The following GABRA3 variants were observed in gnomAD, a reference collection of about 807,000 sequenced individuals.
The protein encoded by GABRA3 is gamma-aminobutyric acid receptor subunit alpha-3.
GABRA3 carries 10 observed loss-of-function variants against 30.1 expected under a neutral mutation model. That is an observed-to-expected ratio of 0.33 (90% CI 0.20 to 0.56). The LOEUF is 0.56. Ranked by LOEUF, GABRA3 falls within the 20% of genes least tolerant of loss-of-function variation. The pLI, the probability that GABRA3 is intolerant of heterozygous loss-of-function variation, is 0.89. For synonymous variants in GABRA3, 151 were observed against 146.8 expected, an observed-to-expected ratio of 1.03 and a Z score of -0.21; for missense variants, 233 against 392.0, an observed-to-expected ratio of 0.59 and a Z score of 3.42.
intron 3 of GABRA3, among the ~76,000 whole-genome samples, chrX:152,291,362 G>T (rs1335402224): frequency 5.4e-5 from 6 of 111,839 alleles, no homozygotes; most frequent in Non-Finnish European, 1.1e-4. Context: ...CATTGATTTT[G>T]CATCCTGAGA....
intron 9 of GABRA3, among the ~76,000 whole-genome samples, chrX:152,181,436 C>A (rs1173192281): frequency 9.0e-6 from 1 of 110,812 alleles, no homozygotes; most frequent in African/African-American, 3.3e-5. Context: ...TTTTTCTTTT[C>A]TTTTCTTTTC....
intron 3 of GABRA3, among the ~76,000 whole-genome samples, chrX:152,324,770 A>G (rs1940025914): frequency 8.9e-6 from 1 of 111,929 alleles, no homozygotes; most frequent in African/African-American, 3.2e-5. Flanking sequence ...AGAGTATAAT[A>G]TATAAGGTGA....
At chrX:152,327,009 A>G (rs901061525) in intron 3 of GABRA3, among the ~76,000 whole-genome samples, 5 of 108,336 alleles carry the variant, frequency 4.6e-5, no homozygotes, top group Non-Finnish European at 9.5e-5. Context: ...ATGGAGAAAG[A>G]CCTACCAAGC....
chrX:152,308,484 G>A (rs749871438), intron 3 of GABRA3, among the ~76,000 whole-genome samples: 1 of 112,204 alleles, frequency 8.9e-6, no homozygotes, highest in South Asian at 3.7e-4. Context: ...CAAAGCAGAG[G>A]GCCTGGTCTC....
intron 1 of GABRA3, among the ~76,000 whole-genome samples, chrX:152,387,969 C>T (rs928007960): frequency 7.2e-5 from 8 of 110,816 alleles, no homozygotes; most frequent in African/African-American, 2.6e-4. Context: ...ACCAAAGATT[C>T]AAAAAAGTCA....
intron 1 of GABRA3, among the ~76,000 whole-genome samples, chrX:152,412,636 T>C (rs1457042520): frequency 2.7e-5 from 3 of 111,717 alleles, no homozygotes; most frequent in African/African-American, 6.5e-5. Context: ...ATTCCATATA[T>C]ACAAAATATC....
At chrX:152,258,896 C>G (rs1370437095) in intron 4 of GABRA3, among the ~76,000 whole-genome samples, 1 of 111,835 alleles carries the variant, frequency 8.9e-6, no homozygotes, top group African/African-American at 3.3e-5. Context: ...CAAAAAAGTA[C>G]CTTCATAGGA....
intron 3 of GABRA3, among the ~76,000 whole-genome samples, chrX:152,343,608 C>T (rs1036744390): frequency 3.6e-5 from 4 of 110,958 alleles, no homozygotes; most frequent in African/African-American, 9.8e-5. Flanking sequence ...AAATTCTCTC[C>T]ATTCACACAG....
chrX:152,274,280 G>C (rs1441567242), intron 4 of GABRA3, among the ~76,000 whole-genome samples: 1 of 111,059 alleles, frequency 9.0e-6, no homozygotes, highest in African/African-American at 3.3e-5. Context: ...TAATTTGTAA[G>C]TTTAAAAAAT....
At chrX:152,393,471 A>C (rs1285169735) in intron 1 of GABRA3, 2 of 379,446 alleles carry the variant, frequency 5.3e-6, no homozygotes, top group Admixed American at 5.3e-5. Flanking sequence ...ATGAGCAGAC[A>C]AGCATGCTGC....
At chrX:152,241,264 G>A (rs1438099003) in intron 5 of GABRA3, among the ~76,000 whole-genome samples, 2 of 94,476 alleles carry the variant, frequency 2.1e-5, no homozygotes, top group Admixed American at 1.1e-4. Context: ...GCAGTGTGAG[G>A]TGTCAGTGTG....
chrX:152,306,103 C>T (rs906217307), intron 3 of GABRA3, among the ~76,000 whole-genome samples: 4 of 112,017 alleles, frequency 3.6e-5, no homozygotes, highest in Non-Finnish European at 7.5e-5. Flanking sequence ...AATACATGAT[C>T]ACGGTAATGC....
At chrX:152,350,425 C>A (rs903540855) in intron 2 of GABRA3, among the ~76,000 whole-genome samples, 2 of 107,066 alleles carry the variant, frequency 1.9e-5, no homozygotes, top group East Asian at 3.0e-4. Context: ...ACACATTCAA[C>A]AGCTAGCAGA....
chrX:152,246,919 A>G (rs1257223071), intron 5 of GABRA3, among the ~76,000 whole-genome samples: 1 of 111,943 alleles, frequency 8.9e-6, no homozygotes, highest in Admixed American at 9.5e-5. Flanking sequence ...ATTAAATCCT[A>G]TACAACTAAC....
chrX:152,435,563 G>A (rs987152701), intron 1 of GABRA3, among the ~76,000 whole-genome samples: 1 of 107,380 alleles, frequency 9.3e-6, no homozygotes, highest in African/African-American at 3.4e-5. Flanking sequence ...CATGGACATA[G>A]GGAGGGGAAC....
At chrX:152,424,727 A>T (rs1255627079) in intron 1 of GABRA3, among the ~76,000 whole-genome samples, 1 of 109,958 alleles carries the variant, frequency 9.1e-6, no homozygotes, top group Non-Finnish European at 1.9e-5. Context: ...CTTCACTACT[A>T]TAATATGCTT....
chrX:152,426,254 G>A (rs1014832434), intron 1 of GABRA3, among the ~76,000 whole-genome samples: 1 of 111,297 alleles, frequency 9.0e-6, no homozygotes, highest in Non-Finnish European at 1.9e-5. Flanking sequence ...CCTCATATGC[G>A]AATAGTGGAT....
At chrX:152,260,118 G>A (rs763559457) in intron 4 of GABRA3, among the ~76,000 whole-genome samples, 8 of 110,772 alleles carry the variant, frequency 7.2e-5, no homozygotes, top group Middle Eastern at 4.7e-3. Flanking sequence ...CTTGTGGGGC[G>A]GTGGTGGTGG....
At chrX:152,171,822 G>C (rs1202091740) in intron 9 of GABRA3, among the ~76,000 whole-genome samples, 3 of 111,917 alleles carry the variant, frequency 2.7e-5, no homozygotes, top group Non-Finnish European at 5.6e-5. Context: ...TCCAGAACAG[G>C]AACGCCTTTC....
Sources: gnomAD v4.1 joint callset for allele counts (sites outside exome capture counted in the v4.1 genomes callset) on GRCh38, gnomAD v4.1.1 for gene constraint, MANE v1.5 for transcripts, NCBI Gene and HGNC (gene_info 2026-07-23, HGNC 2026-07-21) for gene names.